Variants in CFAP54 observed in about 807,000 individuals in gnomAD.
CFAP54 encodes cilia and flagella associated protein 54.
A neutral mutation model predicts 370.4 loss-of-function variants in CFAP54; 290 were observed. That is an observed-to-expected ratio of 0.78 (90% CI 0.71 to 0.86). The LOEUF is 0.86. Among genes scored for constraint, CFAP54 ranks in the 40% least tolerant of loss-of-function variants. CFAP54 has a pLI of 0.00. For synonymous variants in CFAP54, 1,206 were observed against 1,236.5 expected (o/e 0.98, Z 0.52); for missense variants, 3,399 against 3,528.7 (o/e 0.96, Z 0.93).
intron 3 of CFAP54, among the ~76,000 whole-genome samples, chr12:96,504,613 T>C (rs1955070402): frequency 6.6e-6 from 1 of 152,206 alleles, no homozygotes; most frequent in South Asian, 2.1e-4. Context: ...AATGGAAGTT[T>C]ATTAGCCCAC....
At chr12:96,640,264 A>G (rs1956710340) in intron 32 of CFAP54, among the ~76,000 whole-genome samples, 1 of 152,236 alleles carries the variant, frequency 6.6e-6, no homozygotes, top group Non-Finnish European at 1.5e-5. Context: ...CAAAAATCAC[A>G]AGTATTTTTA....
rs1459376998 is a variant in CFAP54, at chr12:96,784,751, A to C, written c.8316A>C (p.Thr2772=). The change falls in exon 61 of 68, where the codon ACA becomes ACC. Residue 2772 remains threonine (T), a synonymous_variant. Coordinates refer to ENST00000524981, the MANE Select transcript of CFAP54 (RefSeq NM_001306084.2). ...NYQVLFQTSC[T]FLYQNDDVCD... is the part of the protein sequence containing the mutation. The stretch of plus-strand genomic sequence containing the variant: ...AAGTCCTCTTCCAGACTTCCTGTAC[A>C]TTTTTGTACCAAAATGATGATGTGT... 6.5e-7 allele frequency: 1 copy of C among 1,528,990 alleles called. No individual in the cohort carries two copies. Among genetic ancestry groups the C allele is most frequent in the Non-Finnish European group, 8.7e-7 (1 of 1,143,962 alleles). 94.7% of individuals were successfully genotyped at this position (1,528,990 alleles called of 1,614,324 possible).
At chr12:96,857,424 A>T (rs900931948) in intron 66 of CFAP54, among the ~76,000 whole-genome samples, 1 of 149,900 alleles carries the variant, frequency 6.7e-6, no homozygotes, top group Non-Finnish European at 1.5e-5. Context: ...TTTGCTGAGG[A>T]TAATAGCCTC....
At chr12:96,706,396 T>C (rs541218871) in intron 47 of CFAP54, among the ~76,000 whole-genome samples, 1 of 152,048 alleles carries the variant, frequency 6.6e-6, no homozygotes, top group South Asian at 2.1e-4. Context: ...AAGGTGCAAG[T>C]CATATGAAAT....
At position 96,576,607 on chromosome 12, in the gene CFAP54, G is replaced by T; in HGVS notation, c.2642G>T (p.Arg881Met). ...TAGGAAGCATATTCCTTAATTCAGA[G>T]GATTGAAGCTGAACAAAATGCCCTA... ...LLMEAYSLIQRIEAEQNALYS... is the reference protein window; with the variant it reads ...LLMEAYSLIQMIEAEQNALYS... Residue 881 changes from arginine (R) to methionine (M), a missense_variant, in exon 20 of 68, where the codon AGG becomes ATG. Physicochemically the swap from Arg to Met is moderately conservative, Grantham distance 91. This residue lies in a region of CFAP54 where 2,796 missense variants were observed against 2,869.7 expected (regional missense o/e 0.97). Transcript: ENST00000524981. The T allele has an allele frequency of 6.5e-7, 1 of 1,532,764 alleles. No individual in the cohort carries two copies. The highest frequency in any genetic ancestry group is 1.4e-5 in the African/African-American group (1 of 72,896). 94.9% of individuals were successfully genotyped at this position (1,532,764 alleles called of 1,614,324 possible). A position where few individuals can be genotyped will look rare whatever the true frequency, so the allele number is the denominator to read the frequency against.
intron 63 of CFAP54, among the ~76,000 whole-genome samples, chr12:96,801,960 T>A (rs1423407284): frequency 6.6e-6 from 1 of 152,168 alleles, no homozygotes; most frequent in African/African-American, 2.4e-5. Flanking sequence ...AATGGGCTGC[T>A]GTGAAACTGA....
chr12:96,533,994 C>T lies in CFAP54; in HGVS notation c.1539+21C>T, dbSNP rs202144911. On this transcript the variant is annotated intron_variant, in intron 10 of 67. Transcript: ENST00000524981. ...TCCAGGTAATATATGCAAAATTATC[C>T]TCCTGGTTTTTTTTTTGTTAAAATG... The T allele has an allele frequency of 3.5e-4, 514 of 1,474,964 alleles. 2 individuals are homozygous for T. Among genetic ancestry groups the T allele is most frequent in the Admixed American group, 9.1e-4 (36 of 39,674 alleles). 91.4% of individuals were successfully genotyped at this position (1,474,964 alleles called of 1,614,324 possible).
At chr12:96,587,934 T>C (rs1785031714) in intron 22 of CFAP54, among the ~76,000 whole-genome samples, 1 of 152,226 alleles carries the variant, frequency 6.6e-6, no homozygotes, top group Admixed American at 6.5e-5. Flanking sequence ...GTACAAATTA[T>C]TCTACTTTTC....
At chr12:96,781,178 TGG>T (rs1198218265) in intron 60 of CFAP54, among the ~76,000 whole-genome samples, 1 of 152,098 alleles carries the variant, frequency 6.6e-6, no homozygotes, top group Non-Finnish European at 1.5e-5. Context: ...ATAGCATGAA[TGG>T]AGTCTAGAAT....
intron 39 of CFAP54, among the ~76,000 whole-genome samples, chr12:96,677,025 C>G (rs1418033299): frequency 6.7e-6 from 1 of 149,568 alleles, no homozygotes; most frequent in African/African-American, 2.5e-5. Flanking sequence ...TTTTTTGAGA[C>G]AAGGTCTCAC....
rs1957051037 is a variant in CFAP54, at chr12:96,664,737, ATCTATATATATATATATCTATATATATC to A, written c.5563+807_5563+834del. 3.7e-4 allele frequency among the ~76,000 whole-genome samples: 9 copies of A among 24,582 alleles called. No individual in the cohort carries two copies. In the Admixed American group the frequency reaches 4.1e-3, roughly 11 times the overall value. 16.1% of individuals were successfully genotyped at this position (24,582 alleles called of 152,430 possible). Reference sequence around the variant, plus strand: ...TATCTATATATATCTATATATATATATCTATATATATATATATCTATATATATCTATATCTATATCTATATATATATAT... The same window carrying A: ...TATCTATATATATCTATATATATATATATATCTATATCTATATATATATAT... On this transcript the variant is annotated intron_variant, in intron 39 of 67. Transcript: ENST00000524981.
chr12:96,763,940 G>A (rs960864528), intron 58 of CFAP54, among the ~76,000 whole-genome samples: 7 of 152,088 alleles, frequency 4.6e-5, no homozygotes, highest in Non-Finnish European at 4.4e-5. Context: ...ATGTATATGT[G>A]TGCATATTTT....
chr12:96,555,982 G>A (rs923922056), intron 17 of CFAP54, among the ~76,000 whole-genome samples: 1 of 151,814 alleles, frequency 6.6e-6, no homozygotes, highest in East Asian at 1.9e-4. Flanking sequence ...AGGGGATCTC[G>A]CTCTAACATA....
At chr12:96,782,743 A>G (rs2136691511) in intron 60 of CFAP54, among the ~76,000 whole-genome samples, 1 of 152,326 alleles carries the variant, frequency 6.6e-6, no homozygotes, top group Non-Finnish European at 1.5e-5. Context: ...GCCAAAATTT[A>G]TATGAAAGAA....
chr12:96,630,292 T>C (rs1956592722), intron 31 of CFAP54, 88 bp downstream of exon 31: 3 of 676,282 alleles, frequency 4.4e-6, no homozygotes, highest in Middle Eastern at 4.2e-4. Context: ...AAACTCATTA[T>C]AATATGAAAC....
At chr12:96,530,573 C>T (rs1315816942) in intron 9 of CFAP54, among the ~76,000 whole-genome samples, 1 of 152,134 alleles carries the variant, frequency 6.6e-6, no homozygotes, top group Non-Finnish European at 1.5e-5. Context: ...TAACCACTTA[C>T]CCTTTGAAGG....
intron 17 of CFAP54, among the ~76,000 whole-genome samples, chr12:96,557,976 T>G (rs1199740359): frequency 2.6e-5 from 4 of 152,034 alleles, no homozygotes. Flanking sequence ...ATTTCCAGAT[T>G]TTATTGACAC....
chr12:96,709,235 G>A (rs751927857), intron 48 of CFAP54, among the ~76,000 whole-genome samples: 1 of 152,180 alleles, frequency 6.6e-6, no homozygotes, highest in Admixed American at 6.5e-5. Flanking sequence ...AAGTGCATGT[G>A]CACCAATAGA....
intron 22 of CFAP54, among the ~76,000 whole-genome samples, chr12:96,581,622 G>C (rs888626991): frequency 7.2e-5 from 11 of 151,834 alleles, no homozygotes; most frequent in Non-Finnish European, 1.2e-4. Context: ...CCCTAATCCA[G>C]AGATATCCTT....
Sources: allele counts gnomAD v4.1 joint callset (sites outside exome capture counted in the v4.1 genomes callset), GRCh38; gene constraint gnomAD v4.1.1; regional missense constraint gnomAD v4.1.1; transcripts MANE v1.5; gene names NCBI Gene and HGNC (gene_info 2026-07-23, HGNC 2026-07-21).